ANO10: variants seen among roughly 807,000 people sequenced by gnomAD.
ANO10 encodes anoctamin 10.
A neutral mutation model predicts 74.7 loss-of-function variants in ANO10; 77 were observed. That is an observed-to-expected ratio of 1.03 (90% CI 0.86 to 1.25). ANO10 has a LOEUF of 1.25. ANO10 is among the 50% of genes most tolerant of loss of function. The pLI is 0.00. For missense variants in ANO10, 721 were observed against 778.1 expected (o/e 0.93, Z 0.87); for synonymous variants, 279 against 284.9 (o/e 0.98, Z 0.21).
chr3:43,603,248 C>A (rs2082416096), intron 2 of ANO10, among the ~76,000 whole-genome samples: 1 of 152,164 alleles, frequency 6.6e-6, no homozygotes, highest in African/African-American at 2.4e-5. Flanking sequence ...TCAACATCAT[C>A]TTCTTGGAGA....
At chr3:43,631,319 G>A (rs2083545401) in intron 1 of ANO10, among the ~76,000 whole-genome samples, 1 of 152,156 alleles carries the variant, frequency 6.6e-6, no homozygotes, top group East Asian at 1.9e-4. Flanking sequence ...TCACTGCCTT[G>A]ATACCACTCC....
intron 12 of ANO10, among the ~76,000 whole-genome samples, chr3:43,374,804 C>G (rs2091740400): frequency 6.6e-6 from 1 of 152,156 alleles, no homozygotes; most frequent in Non-Finnish European, 1.5e-5. Flanking sequence ...CACATTTTAG[C>G]AAGATATTAA....
intron 12 of ANO10, among the ~76,000 whole-genome samples, chr3:43,396,630 C>T (rs1177646619): frequency 6.6e-6 from 1 of 152,112 alleles, no homozygotes; most frequent in Non-Finnish European, 1.5e-5. Context: ...AGCCACCGCA[C>T]CCGGCCCATG....
At chr3:43,415,197 G>A (rs2092720288) in intron 12 of ANO10, among the ~76,000 whole-genome samples, 1 of 151,778 alleles carries the variant, frequency 6.6e-6, no homozygotes, top group African/African-American at 2.4e-5. Flanking sequence ...GGCTGGTCTT[G>A]AACTCCTGAC....
At chr3:43,396,090 C>A (rs1575657148) in intron 12 of ANO10, among the ~76,000 whole-genome samples, 1 of 140,584 alleles carries the variant, frequency 7.1e-6, no homozygotes, top group Non-Finnish European at 1.6e-5. Context: ...TTTTTTTTTG[C>A]TTGATGGCGC....
chr3:43,670,324 T>TAAA (rs1553612350), intron 1 of ANO10, among the ~76,000 whole-genome samples: 1 of 145,910 alleles, frequency 6.9e-6, no homozygotes, highest in African/African-American at 2.5e-5. Flanking sequence ...AGACCCTTTC[T>TAAA]TAAATAAATA....
chr3:43,534,499 C>T (rs1046009182), intron 11 of ANO10, among the ~76,000 whole-genome samples: 4 of 130,046 alleles, frequency 3.1e-5, no homozygotes, highest in East Asian at 2.4e-4. Flanking sequence ...CAAGAGAGAA[C>T]GGGAGACAGA....
chr3:43,391,854 T>C (rs1257687252), intron 12 of ANO10, among the ~76,000 whole-genome samples: 1 of 152,182 alleles, frequency 6.6e-6, no homozygotes, highest in Admixed American at 6.5e-5. Flanking sequence ...TCAGAGGCAC[T>C]GAAGTAAGCC....
intron 12 of ANO10, among the ~76,000 whole-genome samples, chr3:43,375,644 G>A (rs2091774936): frequency 6.6e-6 from 1 of 152,062 alleles, no homozygotes; most frequent in Non-Finnish European, 1.5e-5. Flanking sequence ...TTTAGACCAG[G>A]TCTCCTACTC....
intron 11 of ANO10, among the ~76,000 whole-genome samples, chr3:43,460,739 A>G (rs2075340882): frequency 6.6e-6 from 1 of 152,192 alleles, no homozygotes; most frequent in Admixed American, 6.5e-5. Context: ...AAAAGAAGAA[A>G]ATGAATCCAG....
chr3:43,660,974 C>T (rs1441742223), intron 1 of ANO10, among the ~76,000 whole-genome samples: 1 of 152,112 alleles, frequency 6.6e-6, no homozygotes, highest in Non-Finnish European at 1.5e-5. Flanking sequence ...AAAAAGAAAA[C>T]ACTCTTCAGG....
At chr3:43,647,153 A>ATATGTGTGTGTGTGTGTG (rs371712281) in intron 1 of ANO10, among the ~76,000 whole-genome samples, 2 of 141,790 alleles carry the variant, frequency 1.4e-5, no homozygotes, top group East Asian at 4.2e-4. Flanking sequence ...ATGTGTATAT[A>ATATGTGTGTGTGTGTGTG]TGTGTGTGTG....
At chr3:43,589,861 T>A (rs767735424) in intron 4 of ANO10, among the ~76,000 whole-genome samples, 6 of 152,156 alleles carry the variant, frequency 3.9e-5, no homozygotes, top group Non-Finnish European at 7.4e-5. Context: ...TATTCTACAA[T>A]AATGATCAAA....
At chr3:43,627,990 G>A (rs1324380104) in intron 1 of ANO10, among the ~76,000 whole-genome samples, 3 of 152,044 alleles carry the variant, frequency 2.0e-5, no homozygotes, top group Admixed American at 6.5e-5. Flanking sequence ...AGATACAGGC[G>A]ATTCTCCTGC....
chr3:43,381,418 G>A (rs1406120890), intron 12 of ANO10, among the ~76,000 whole-genome samples: 1 of 152,076 alleles, frequency 6.6e-6, no homozygotes, highest in African/African-American at 2.4e-5. Flanking sequence ...GGAGTAGCCA[G>A]TCTTATATCA....
At chr3:43,370,761 C>T (rs1559483287) in intron 12 of ANO10, among the ~76,000 whole-genome samples, 2 of 152,328 alleles carry the variant, frequency 1.3e-5, no homozygotes, top group African/African-American at 4.8e-5. Context: ...CTTTAAAAAG[C>T]ACTGACTAAT....
intron 1 of ANO10, among the ~76,000 whole-genome samples, chr3:43,614,966 A>G (rs889244299): frequency 6.6e-6 from 1 of 151,158 alleles, no homozygotes; most frequent in African/African-American, 2.4e-5. Context: ...GTACAAGAAT[A>G]CAATAGAACC....
intron 1 of ANO10, among the ~76,000 whole-genome samples, chr3:43,620,890 G>C (rs997487941): frequency 6.6e-6 from 1 of 152,272 alleles, no homozygotes; most frequent in South Asian, 2.1e-4. Context: ...GCAACTCTAC[G>C]ATTCTTTCAG....
At chr3:43,493,846 C>T (rs2076818821) in intron 11 of ANO10, among the ~76,000 whole-genome samples, 2 of 152,156 alleles carry the variant, frequency 1.3e-5, no homozygotes, top group African/African-American at 4.8e-5. Flanking sequence ...GGTGATCCTC[C>T]TGCCTCAATC....
Sources: gnomAD v4.1 joint callset for allele counts (sites outside exome capture counted in the v4.1 genomes callset) on GRCh38, gnomAD v4.1.1 for gene constraint, MANE v1.5 for transcripts, NCBI Gene and HGNC (gene_info 2026-07-23, HGNC 2026-07-21) for gene names.